The following DLG2 variants were observed in gnomAD, a reference collection of about 807,000 sequenced individuals.
The protein encoded by DLG2 is discs large MAGUK scaffold protein 2, also known as disks large homolog 2.
DLG2 carries 45 observed loss-of-function variants against 132.5 expected under a neutral mutation model. That is an observed-to-expected ratio of 0.34 (90% CI 0.27 to 0.44). The LOEUF (loss-of-function observed/expected upper bound fraction) is 0.44, where lower values mean the gene tolerates loss of function less well. DLG2 is among the 20% of genes least tolerant of loss of function. The probability of loss-of-function intolerance (pLI) is 1.00; values close to 1 mark genes in which losing one functional copy is unlikely to be tolerated. For synonymous variants in DLG2, 424 were observed against 419.6 expected (o/e 1.01, Z -0.13); for missense variants, 1,045 against 1,196.9 (o/e 0.87, Z 1.87).
intron 6 of DLG2, among the ~76,000 whole-genome samples, chr11:85,107,584 T>C (rs2071980248): frequency 6.6e-6 from 1 of 152,008 alleles, no homozygotes; most frequent in South Asian, 2.1e-4. Flanking sequence ...AGAGCTATCA[T>C]TCTTCAGCTG....
intron 15 of DLG2, among the ~76,000 whole-genome samples, chr11:83,877,816 C>G (rs182646543): frequency 1.3e-5 from 2 of 152,296 alleles, no homozygotes; most frequent in Admixed American, 1.3e-4. Context: ...AATGTCCAAG[C>G]TATACTTGCA....
intron 18 of DLG2, among the ~76,000 whole-genome samples, chr11:83,641,215 C>T (rs2066406752): frequency 6.6e-6 from 1 of 152,070 alleles, no homozygotes; most frequent in Non-Finnish European, 1.5e-5. Flanking sequence ...GTCTTATAAT[C>T]AATGAAATAT....
At chr11:83,785,346 A>G (rs1466791708) in intron 18 of DLG2, among the ~76,000 whole-genome samples, 6 of 152,272 alleles carry the variant, frequency 3.9e-5, no homozygotes, top group African/African-American at 1.4e-4. Flanking sequence ...AAGCCACCGC[A>G]CACGGCCTAT....
chr11:83,999,056 C>T (rs2094196439), intron 11 of DLG2, among the ~76,000 whole-genome samples: 1 of 152,172 alleles, frequency 6.6e-6, no homozygotes, highest in African/African-American at 2.4e-5. Context: ...AGCAGTCCAA[C>T]CTTCCACAGT....
chr11:84,656,339 AAC>A (rs1405393623), intron 6 of DLG2, among the ~76,000 whole-genome samples: 2 of 152,188 alleles, frequency 1.3e-5, no homozygotes, highest in African/African-American at 2.4e-5. Context: ...GAGCCATGGA[AAC>A]AAAAATCACC....
intron 3 of DLG2, among the ~76,000 whole-genome samples, chr11:85,435,876 A>T (rs568854372): frequency 1.3e-5 from 2 of 152,198 alleles, no homozygotes; most frequent in Non-Finnish European, 2.9e-5. Context: ...CAAAAAGAAC[A>T]AAGCTGGAGG....
At chr11:84,110,149 G>A (rs563174847) in intron 9 of DLG2, among the ~76,000 whole-genome samples, 1 of 152,268 alleles carries the variant, frequency 6.6e-6, no homozygotes, top group South Asian at 2.1e-4. Context: ...ACATATAGGA[G>A]GGTGAAGTAA....
intron 18 of DLG2, among the ~76,000 whole-genome samples, chr11:83,689,855 C>T (rs1300247883): frequency 6.7e-6 from 1 of 148,512 alleles, no homozygotes; most frequent in Non-Finnish European, 1.5e-5. Flanking sequence ...ACTTTGCATA[C>T]TCACCCATTA....
At chr11:85,094,427 T>C (rs1034955432) in intron 6 of DLG2, among the ~76,000 whole-genome samples, 4 of 152,214 alleles carry the variant, frequency 2.6e-5, no homozygotes, top group African/African-American at 9.7e-5. Flanking sequence ...ATTAGAAGAC[T>C]TTTTTTCCTA....
intron 6 of DLG2, among the ~76,000 whole-genome samples, chr11:85,064,943 G>A (rs1454052667): frequency 6.6e-6 from 1 of 151,156 alleles, no homozygotes; most frequent in Admixed American, 6.6e-5. Context: ...CAAGCACAAA[G>A]GTGAAAAATA....
intron 11 of DLG2, among the ~76,000 whole-genome samples, chr11:84,044,263 G>C (rs1593908223): frequency 6.6e-6 from 1 of 151,710 alleles, no homozygotes; most frequent in Non-Finnish European, 1.5e-5. Flanking sequence ...TACATACCAG[G>C]TGCTTAATAG....
rs1233160042 is a variant in DLG2, at chr11:83,906,075, CTCTCTCTATATATA to C, written c.1496+24239_1496+24252del. Among the ~76,000 whole-genome samples, 5 of 99,924 alleles carry C rather than the reference CTCTCTCTATATATA, an allele frequency of 5.0e-5. No individual in the cohort carries two copies. In the South Asian group the frequency reaches 1.2e-3, roughly 23 times the overall value. 65.6% of individuals were successfully genotyped at this position (99,924 alleles called of 152,430 possible). A position where few individuals can be genotyped will look rare whatever the true frequency, so the allele number is the denominator to read the frequency against. On this transcript the variant is annotated intron_variant, in intron 15 of 27. Coordinates refer to ENST00000376104, the MANE Select transcript of DLG2 (RefSeq NM_001142699.3). ...TCTGTCTCTCTCTCTCTCTCTCTCTCTCTCTCTATATATATATATATATATATATACATATATAG... is the reference window on the plus strand; with the variant it reads ...TCTGTCTCTCTCTCTCTCTCTCTCTCTATATATATATATATACATATATAG...
intron 15 of DLG2, among the ~76,000 whole-genome samples, chr11:83,885,100 T>G (rs1484333850): frequency 6.6e-6 from 1 of 152,226 alleles, no homozygotes; most frequent in African/African-American, 2.4e-5. Flanking sequence ...GGACAGAGAA[T>G]GACTTTGACA....
At chr11:83,856,357 A>G (rs1442735340) in intron 16 of DLG2, among the ~76,000 whole-genome samples, 1 of 152,138 alleles carries the variant, frequency 6.6e-6, no homozygotes, top group African/African-American at 2.4e-5. Context: ...CAGTAATGGG[A>G]TTGCTGGGTC....
chr11:84,790,628 G>A (rs1451039768), intron 6 of DLG2, among the ~76,000 whole-genome samples: 1 of 152,154 alleles, frequency 6.6e-6, no homozygotes, highest in Non-Finnish European at 1.5e-5. Context: ...GGTTGCCTGT[G>A]CTTGTAAGAT....
At chr11:84,612,606 A>G (rs532829205) in intron 6 of DLG2, among the ~76,000 whole-genome samples, 3 of 152,306 alleles carry the variant, frequency 2.0e-5, no homozygotes, top group African/African-American at 7.2e-5. Flanking sequence ...CTAGAGTGGT[A>G]GTTTAATTTG....
chr11:84,704,454 T>G (rs2153746837), intron 6 of DLG2, among the ~76,000 whole-genome samples: 1 of 151,628 alleles, frequency 6.6e-6, no homozygotes, highest in East Asian at 2.0e-4. Flanking sequence ...GGCCCCTAAT[T>G]TCTCATTAAT....
At chr11:84,371,088 T>C (rs910695265) in intron 7 of DLG2, among the ~76,000 whole-genome samples, 3 of 152,138 alleles carry the variant, frequency 2.0e-5, no homozygotes, top group Admixed American at 2.0e-4. Context: ...GTCAGTGAGA[T>C]GTGAATAATG....
At chr11:84,682,482 A>G (rs780705125) in intron 6 of DLG2, among the ~76,000 whole-genome samples, 13 of 152,182 alleles carry the variant, frequency 8.5e-5, no homozygotes, top group Non-Finnish European at 1.9e-4. Flanking sequence ...GAAGGGTCCT[A>G]AAGAGGTGCC....
Sources: allele counts gnomAD v4.1 joint callset (sites outside exome capture counted in the v4.1 genomes callset), GRCh38; gene constraint gnomAD v4.1.1; transcripts MANE v1.5; gene names NCBI Gene and HGNC (gene_info 2026-07-23, HGNC 2026-07-21).